Variants in MED6 observed in about 807,000 individuals in gnomAD.
MED6 encodes mediator complex subunit 6, also known as mediator of RNA polymerase II transcription subunit 6.
A neutral mutation model predicts 37.5 loss-of-function variants in MED6; 33 were observed. The ratio of observed to expected loss-of-function variants is 0.88; its 90% CI spans 0.67 to 1.18. The LOEUF (loss-of-function observed/expected upper bound fraction) is 1.18, where lower values mean the gene tolerates loss of function less well. Ranked by LOEUF, MED6 falls within the 50% of genes most tolerant of loss-of-function variation. MED6 has a pLI of 0.00. For synonymous variants in MED6, 94 were observed against 93.6 expected, an observed-to-expected ratio of 1.00 and a Z score of -0.02; for missense variants, 235 against 290.6, an observed-to-expected ratio of 0.81 and a Z score of 1.39.
At chr14:70,586,410 G>A (rs1029603354) in intron 6 of MED6, among the ~76,000 whole-genome samples, 2 of 152,222 alleles carry the variant, frequency 1.3e-5, no homozygotes, top group South Asian at 2.1e-4. Context: ...CAAGTTAAAT[G>A]CTCTACGACA....
chr14:70,587,782 T>C (rs1251887031), intron 6 of MED6, among the ~76,000 whole-genome samples: 1 of 152,234 alleles, frequency 6.6e-6, no homozygotes. Flanking sequence ...TCCTATGGTA[T>C]TCTAGCAGCT....
intron 5 of MED6, among the ~76,000 whole-genome samples, chr14:70,592,215 G>C (rs533681279): frequency 1.3e-5 from 2 of 152,296 alleles, no homozygotes; most frequent in East Asian, 3.9e-4. Context: ...ATTTCTGGAG[G>C]TAGTCGAACA....
At chr14:70,600,026 GTGACATC>G (rs912373246) in intron 1 of MED6, among the ~76,000 whole-genome samples, 1 of 152,000 alleles carries the variant, frequency 6.6e-6, no homozygotes, top group African/African-American at 2.4e-5. Flanking sequence ...CAGTTAAGGG[GTGACATC>G]TCCATACATT....
intron 5 of MED6, among the ~76,000 whole-genome samples, chr14:70,592,268 G>C (rs897273270): frequency 2.6e-5 from 4 of 152,126 alleles, no homozygotes; most frequent in Non-Finnish European, 2.9e-5. Flanking sequence ...TGGAAACTTG[G>C]AGGACCTGGA....
rs1261186815 is a variant in MED6, at chr14:70,584,287, T to C, written c.*526A>G. On this transcript the variant is annotated 3_prime_UTR_variant, in exon 8 of 8. Coordinates refer to ENST00000256379, the MANE Select transcript of MED6 (RefSeq NM_005466.4). ...TTTTAAACATATCTACCAGTAAACA[T>C]GTGAGTGTGTAGGTTGCTCAAGTCC... 7 of 616,636 alleles carry C rather than the reference T, an allele frequency of 1.1e-5. No individual in the cohort carries two copies. The highest frequency in any genetic ancestry group is 4.2e-5 in the South Asian group (2 of 48,124). 38.2% of individuals were successfully genotyped at this position (616,636 alleles called of 1,614,324 possible).
intron 4 of MED6, 60 bp from the exon 5 acceptor site, chr14:70,593,048 A>C (rs749241462): frequency 3.8e-6 from 6 of 1,598,364 alleles, no homozygotes; most frequent in Non-Finnish European, 5.1e-6. Flanking sequence ...TTCCAAAGTA[A>C]ATACTCACAA....
chr14:70,591,801 T>TC (rs1429642462), intron 5 of MED6: 2 of 153,736 alleles, frequency 1.3e-5, no homozygotes, highest in African/African-American at 4.8e-5. Context: ...TTTCACAAAC[T>TC]CAAGCTACCA....
In MED6 at chr14:70,584,086, C is replaced by T; in HGVS notation, c.*727G>A. On this transcript the variant is annotated 3_prime_UTR_variant, in exon 8 of 8. Transcript: ENST00000256379. ...TGAGGTTTTTCCTTTTCTTCATCTT[C>T]CAAAATGTCAGCAACTGTTTATTTT... The T allele has an allele frequency of 1.5e-6, 1 of 649,490 alleles. No homozygotes were observed. The highest frequency in any genetic ancestry group is 1.9e-5 in the South Asian group (1 of 52,696). The allele number at this position is 649,490 out of a possible 1,614,324, so 40.2% of individuals were successfully genotyped here. A position where few individuals can be genotyped will look rare whatever the true frequency, so the allele number is the denominator to read the frequency against.
rs777980770 is a variant in MED6, at chr14:70,596,647, T to C, written c.238A>G (p.Ile80Val). 3 of 1,613,982 alleles carry C rather than the reference T, an allele frequency of 1.9e-6. No homozygotes were observed. The highest frequency in any genetic ancestry group is 2.5e-6 in the Non-Finnish European group (3 of 1,179,904). ...GACTGCCGCTGTTGCTTCCGAATGA[T>C]GAAAAGAATGGGCTCTTGAGCATGC... ...LLHAQEPILF[I>V]IRKQQRQSPA... Residue 80 changes from isoleucine (I) to valine (V), a missense_variant, in exon 3 of 8, where the codon ATC (isoleucine) becomes GTC (valine). Coordinates refer to ENST00000256379, the MANE Select transcript of MED6 (RefSeq NM_005466.4).
intron 2 of MED6, among the ~76,000 whole-genome samples, chr14:70,597,159 G>C (rs971703695): frequency 5.3e-5 from 8 of 152,038 alleles, no homozygotes; most frequent in African/African-American, 1.9e-4. Context: ...ATGTTTAAAA[G>C]CAACAATAAG....
chr14:70,593,012 A>G lies in MED6; in HGVS notation c.358-24T>C, dbSNP rs1687183368. On this transcript the variant is annotated intron_variant, in intron 4 of 7. Transcript: ENST00000256379. ...AGCTTGTAAAAGGAAAATAAACTCT[A>G]AATTTATCATTAGGTCGACCAAACT... is the stretch of plus-strand genomic sequence containing the variant. The G allele has an allele frequency of 8.1e-6, 13 of 1,611,822 alleles. 1 individual carries two copies. The South Asian group carries it at 1.2e-4, about 15-fold the overall frequency.
chr14:70,585,846 G>A, intron 6 of MED6, 63 bp from the exon 7 acceptor site: 1 of 1,408,376 alleles, frequency 7.1e-7, no homozygotes, highest in African/African-American at 1.5e-5. Context: ...AGGTCAACTT[G>A]GCAAAATTTC....
In MED6 at chr14:70,583,901, C is replaced by T; in HGVS notation, c.*912G>A. 2.5e-6 allele frequency: 1 copy of T among 401,804 alleles called. No homozygotes were observed. The highest frequency in any genetic ancestry group is 1.0e-4 in the South Asian group (1 of 9,910). 24.9% of individuals were successfully genotyped at this position (401,804 alleles called of 1,614,324 possible). ...CAGACTTCCTACCAGCAAGAAGGCC[C>T]TCACCAGATGGAGCCAATCAATGCT... On this transcript the variant is annotated 3_prime_UTR_variant, in exon 8 of 8. Coordinates refer to ENST00000256379, the MANE Select transcript of MED6 (RefSeq NM_005466.4).
chr14:70,598,960 T>C (rs987267656), intron 1 of MED6, among the ~76,000 whole-genome samples: 3 of 152,188 alleles, frequency 2.0e-5, no homozygotes, highest in African/African-American at 7.2e-5. Context: ...ATATTTAGCG[T>C]AGAATTAAAT....
intron 3 of MED6, chr14:70,595,888 AAAAAC>A: frequency 3.5e-6 from 2 of 567,016 alleles, no homozygotes; most frequent in Non-Finnish European, 6.4e-6. Context: ...TCAGAGGTCA[AAAAAC>A]AAAACAAAAT....
At chr14:70,585,678 C>A (rs991820008) in intron 7 of MED6, 78 bp downstream of exon 7, 44 of 1,286,708 alleles carry the variant, frequency 3.4e-5, no homozygotes, top group Non-Finnish European at 4.3e-5. Flanking sequence ...CAGCTCATTT[C>A]ACATGCTATA....
chr14:70,596,540 A>G (rs1012029120), intron 3 of MED6, 71 bp downstream of exon 3: 2 of 1,235,648 alleles, frequency 1.6e-6, no homozygotes, highest in African/African-American at 3.0e-5. Flanking sequence ...CAAAAAAACA[A>G]GTTAGGTCAG....
At chr14:70,586,862 T>C (rs982015574) in intron 6 of MED6, among the ~76,000 whole-genome samples, 3 of 152,224 alleles carry the variant, frequency 2.0e-5, no homozygotes, top group Non-Finnish European at 4.4e-5. Flanking sequence ...ACAGAAGGCC[T>C]GAGGCTGCTA....
intron 1 of MED6, 198 bp from the exon 2 acceptor site, chr14:70,597,975 T>C (rs986188494): frequency 2.6e-6 from 1 of 388,916 alleles, no homozygotes; most frequent in East Asian, 4.3e-5. Flanking sequence ...GATAAAGACA[T>C]GGTGAAACCC....
Sources: allele counts gnomAD v4.1 joint callset (sites outside exome capture counted in the v4.1 genomes callset), GRCh38; gene constraint gnomAD v4.1.1; transcripts MANE v1.5; gene names NCBI Gene and HGNC (gene_info 2026-07-23, HGNC 2026-07-21).